The following NUTM2B variants were observed in gnomAD, a reference collection of about 807,000 sequenced individuals.
NUTM2B encodes the protein family with sequence similarity 22, member B.
Under a neutral mutation model 42.4 loss-of-function variants are expected in NUTM2B, and 2 were observed. The ratio of observed to expected loss-of-function variants is 0.05; its 90% CI spans 0.02 to 0.15. NUTM2B has a LOEUF of 0.15. NUTM2B is among the 10% of genes least tolerant of loss of function. NUTM2B has a pLI of 1.00. For synonymous variants in NUTM2B, 18 were observed against 402.4 expected (o/e 0.04, Z 11.43); for missense variants, 58 against 952.6 (o/e 0.06, Z 12.36).
chr10:79,696,814 G>A, the NUTM2B span, among the ~76,000 whole-genome samples: 3 of 152,024 alleles, frequency 2.0e-5, no homozygotes, highest in Non-Finnish European at 2.9e-5. Context: ...ACAGTCCAGA[G>A]AGTGCTTAAC....
At chr10:79,707,005 G>A (rs879691627) in intron 2 of NUTM2B, among the ~76,000 whole-genome samples, 76 of 116,266 alleles carry the variant, frequency 6.5e-4, no homozygotes, top group Non-Finnish European at 1.1e-3. Context: ...AATGTTTACA[G>A]AAGACCCAGG....
rs544618424 is a variant in NUTM2B at position 79,705,832 on chromosome 10, G to A, written c.383-210G>A. Among the ~76,000 whole-genome samples the A allele has an allele frequency of 2.1e-3, 308 of 148,556 alleles. 6 individuals are homozygous for A. Among genetic ancestry groups the A allele is most frequent in the Non-Finnish European group, 3.5e-3 (235 of 67,156 alleles). ...TGGCTGTTACTTCTTGGGAGACAGG[G>A]GTCAGGGAGTCTTGGTGACCGGGGC... On this transcript the variant is annotated intron_variant, in intron 1 of 6. Coordinates refer to ENST00000429828, the Ensembl canonical transcript of NUTM2B.
At chr10:79,693,228 A>G in the NUTM2B span, among the ~76,000 whole-genome samples, 26 of 152,226 alleles carry the variant, frequency 1.7e-4, no homozygotes, top group African/African-American at 6.3e-4. Flanking sequence ...TGCAGTGGGC[A>G]TCAGAACAGC....
chr10:79,708,588 G>A (rs1840431783), intron 2 of NUTM2B, 111 bp from the exon 3 acceptor site: 1 of 1,452,176 alleles, frequency 6.9e-7, no homozygotes. Context: ...GAACAGGACA[G>A]GGACAGATGG....
the NUTM2B span, among the ~76,000 whole-genome samples, chr10:79,697,857 C>A: frequency 1.3e-5 from 2 of 149,626 alleles, no homozygotes; most frequent in African/African-American, 4.9e-5. Context: ...CAAACACAAC[C>A]TACACAGCCT....
the NUTM2B span, among the ~76,000 whole-genome samples, chr10:79,694,177 C>G: frequency 1.3e-5 from 2 of 152,138 alleles, no homozygotes; most frequent in Non-Finnish European, 2.9e-5. Flanking sequence ...GCAGGTGGAT[C>G]ACCTGAGGTT....
chr10:79,696,439 T>A, the NUTM2B span, among the ~76,000 whole-genome samples: 2 of 150,808 alleles, frequency 1.3e-5, no homozygotes, highest in Non-Finnish European at 3.0e-5. Context: ...ACCCCAAATA[T>A]AAAAACAAAA....
the NUTM2B span, among the ~76,000 whole-genome samples, chr10:79,696,703 T>C: frequency 1.3e-5 from 2 of 152,252 alleles, no homozygotes; most frequent in Non-Finnish European, 2.9e-5. Context: ...GTGCTCACTA[T>C]AACAGTGAAA....
At position 79,705,647 on chromosome 10, in the gene NUTM2B, G is replaced by T. The variant is rs443226; in HGVS notation, c.383-395G>T. 1.8e-3 allele frequency among the ~76,000 whole-genome samples: 206 copies of T among 117,422 alleles called. 8 individuals are homozygous for T. Among genetic ancestry groups the T allele is most frequent in the Non-Finnish European group, 2.8e-3 (160 of 56,180 alleles). The allele number at this position is 117,422 out of a possible 152,430, so 77.0% of individuals were successfully genotyped here. On this transcript the variant is annotated intron_variant, in intron 1 of 6. Transcript: ENST00000429828. ...GGCTTCCTGTCGGCCTTCTGAGTGCGGAGCACTGCCCTGGGGTAGGCCCCT... is the reference window on the plus strand; with the variant it reads ...GGCTTCCTGTCGGCCTTCTGAGTGCTGAGCACTGCCCTGGGGTAGGCCCCT...
the NUTM2B span, among the ~76,000 whole-genome samples, chr10:79,692,913 C>T: frequency 6.6e-6 from 1 of 152,204 alleles, no homozygotes; most frequent in Non-Finnish European, 1.5e-5. Context: ...GCAAGAAGGA[C>T]ATAGACCACT....
the NUTM2B span, among the ~76,000 whole-genome samples, chr10:79,694,053 T>C: frequency 1.3e-5 from 2 of 152,202 alleles, no homozygotes; most frequent in African/African-American, 4.8e-5. Flanking sequence ...TCTGCTGGGC[T>C]TGTGGCCCCA....
chr10:79,699,538 G>C (rs1840275739), upstream of NUTM2B, among the ~76,000 whole-genome samples: 1 of 152,238 alleles, frequency 6.6e-6, no homozygotes, highest in African/African-American at 2.4e-5. Flanking sequence ...CGCCTCTTGG[G>C]TTCAAGTGAT....
At chr10:79,692,504 A>G in the NUTM2B span, among the ~76,000 whole-genome samples, 150 of 152,302 alleles carry the variant, frequency 9.8e-4, no homozygotes, top group South Asian at 0.024. Flanking sequence ...CTGCCCCTTG[A>G]GAAACTTCCC....
At chr10:79,693,031 T>C in the NUTM2B span, among the ~76,000 whole-genome samples, 1 of 152,188 alleles carries the variant, frequency 6.6e-6, no homozygotes, top group Non-Finnish European at 1.5e-5. Context: ...GGGCTTCATA[T>C]GCGCTGACAT....
chr10:79,710,917 G>T (rs444975), intron 5 of NUTM2B, among the ~76,000 whole-genome samples, 153 bp downstream of exon 5: 1,498 of 128,042 alleles, frequency 0.012, 303 homozygotes, highest in African/African-American at 0.042. Context: ...TCTGTGTGTT[G>T]CTGTGTGTTT....
chr10:79,701,609 C>T (rs1463608514), upstream of NUTM2B, among the ~76,000 whole-genome samples: 3 of 151,276 alleles, frequency 2.0e-5, no homozygotes, highest in East Asian at 1.9e-4. Flanking sequence ...AGCATGGAGC[C>T]GCCATTCCTC....
chr10:79,695,585 C>T, the NUTM2B span, among the ~76,000 whole-genome samples: 1 of 152,152 alleles, frequency 6.6e-6, no homozygotes, highest in Admixed American at 6.5e-5. Context: ...GTATCCCCAC[C>T]CAGGAGGCAG....
At chr10:79,704,979 G>A in intron 1 of NUTM2B, among the ~76,000 whole-genome samples, 1 of 151,752 alleles carries the variant, frequency 6.6e-6, no homozygotes, top group Non-Finnish European at 1.5e-5. Flanking sequence ...ATGATGAGGT[G>A]CATGTGCTGT....
chr10:79,700,106 T>G (rs1030265523), upstream of NUTM2B, among the ~76,000 whole-genome samples: 7 of 152,316 alleles, frequency 4.6e-5, no homozygotes, highest in African/African-American at 1.4e-4. Context: ...TTGGCCACAC[T>G]CTTGCATCCA....
Sources: allele counts gnomAD v4.1 joint callset (sites outside exome capture counted in the v4.1 genomes callset), GRCh38; gene constraint gnomAD v4.1.1; transcripts MANE v1.5; gene names NCBI Gene and HGNC (gene_info 2026-07-23, HGNC 2026-07-21).